Variants in ADCY3 observed in about 807,000 individuals in gnomAD.
ADCY3 encodes the protein adenylate cyclase 3.
In ADCY3, 70 loss-of-function variants were observed where a neutral mutation model predicts 119.4. The ratio of observed to expected loss-of-function variants is 0.59; its 90% CI spans 0.48 to 0.72. ADCY3 has a LOEUF of 0.72. Ranked by LOEUF, ADCY3 falls within the 30% of genes least tolerant of loss-of-function variation. The probability of loss-of-function intolerance (pLI) is 0.00; values close to 1 mark genes in which losing one functional copy is unlikely to be tolerated. For synonymous variants in ADCY3, 672 were observed against 621.4 expected (o/e 1.08, Z -1.21); for missense variants, 1,238 against 1,541.6 (o/e 0.80, Z 3.30).
chr2:24,827,328 G>C (rs746246107), intron 15 of ADCY3, among the ~76,000 whole-genome samples: 1 of 152,188 alleles, frequency 6.6e-6, no homozygotes, highest in East Asian at 1.9e-4. Flanking sequence ...TGTCCTGCCA[G>C]CCAGTTACAT....
intron 2 of ADCY3, among the ~76,000 whole-genome samples, chr2:24,903,915 T>G (rs1679185820): frequency 6.6e-6 from 1 of 152,076 alleles, no homozygotes; most frequent in African/African-American, 2.4e-5. Context: ...AACCCCAGGT[T>G]CTCCATATGA....
intron 13 of ADCY3, among the ~76,000 whole-genome samples, chr2:24,830,132 C>G (rs942215709): frequency 6.6e-6 from 1 of 150,926 alleles, no homozygotes; most frequent in Admixed American, 6.6e-5. Flanking sequence ...CCTCCGCCTC[C>G]TGGGTTCAAG....
intron 15 of ADCY3, among the ~76,000 whole-genome samples, chr2:24,827,252 G>A (rs977224823): frequency 3.3e-5 from 5 of 152,210 alleles, no homozygotes; most frequent in African/African-American, 1.2e-4. Context: ...ACTGCCTGCT[G>A]CAGGCTCAGA....
rs374705495 is a variant in ADCY3 at position 24,828,542 on chromosome 2, C to T, written c.2173-381G>A. ...CACACTGTTGCTTCAGGAGGGGCCA[C>T]GGGACCATGAGCCCCACTCACAGCC... On this transcript the variant is annotated intron_variant, in intron 13 of 21. Coordinates refer to ENST00000679454, the MANE Select transcript of ADCY3 (RefSeq NM_004036.5). Among the ~76,000 whole-genome samples, 42 of 152,284 alleles carry T rather than the reference C, an allele frequency of 2.8e-4. No homozygotes were observed. The South Asian group carries it at 7.9e-3, about 29-fold the overall frequency.
chr2:24,830,806 A>C lies in ADCY3; in HGVS notation c.2075T>G (p.Val692Gly). The change falls in exon 13 of 22, where the codon GTG (valine) becomes GGG (glycine). Residue 692 changes from valine (V) to glycine (G), a missense_variant. Physicochemically the swap from Val to Gly is moderately radical, Grantham distance 109. Coordinates refer to ENST00000679454, the MANE Select transcript of ADCY3 (RefSeq NM_004036.5). The stretch of plus-strand genomic sequence containing the variant: ...CCGGTCAATCCAAGTTGAGAAGGCC[A>C]CAAGCTTCTTAGGAAAGGCCTAGAA... ...IFPRAFPKKL[V>G]AFSTWIDRTR... 6.2e-7 allele frequency: 1 copy of C among 1,614,038 alleles called. No individual in the cohort carries two copies.
At chr2:24,854,570 C>T (rs1011617532) in intron 3 of ADCY3, among the ~76,000 whole-genome samples, 3 of 152,096 alleles carry the variant, frequency 2.0e-5, no homozygotes, top group Admixed American at 6.5e-5. Context: ...ACAAGTGGCT[C>T]GTGGCTTTTG....
intron 2 of ADCY3, among the ~76,000 whole-genome samples, chr2:24,879,928 A>G (rs1168937004): frequency 6.6e-6 from 1 of 152,238 alleles, no homozygotes; most frequent in Non-Finnish European, 1.5e-5. Context: ...AGGTCTGCAG[A>G]CAGTGAGTGA....
chr2:24,828,080 T>C lies in ADCY3; in HGVS notation c.2254A>G (p.Lys752Glu), dbSNP rs1157467006. 7 of 1,614,092 alleles carry C rather than the reference T, an allele frequency of 4.3e-6. No individual in the cohort carries two copies. Among genetic ancestry groups the C allele is most frequent in the African/African-American group, 2.7e-5 (2 of 74,932 alleles). Reference protein sequence around the residue: ...ETEGSCLENPKYYNYVAVLSL... With the variant: ...ETEGSCLENPEYYNYVAVLSL... ...AGCACGGCCACATAGTTGTAATACT[T>C]GGGGTTCTCCAGGCAGCTGCCCTCC... The change falls in exon 14 of 22, where the codon AAG (lysine) becomes GAG (glutamate). Residue 752 changes from lysine (K) to glutamate (E), a missense_variant. Coordinates refer to ENST00000679454, the MANE Select transcript of ADCY3 (RefSeq NM_004036.5).
intron 2 of ADCY3, among the ~76,000 whole-genome samples, chr2:24,894,412 C>T (rs1017810348): frequency 6.6e-6 from 1 of 152,026 alleles, no homozygotes; most frequent in Non-Finnish European, 1.5e-5. Context: ...GAGGTTGAGG[C>T]TACAGTGAGC....
chr2:24,839,736 A>G (rs1409621592), intron 7 of ADCY3, 137 bp downstream of exon 7: 2 of 1,279,276 alleles, frequency 1.6e-6, no homozygotes, highest in African/African-American at 2.9e-5. Context: ...AGGGCGAGAC[A>G]GGAGGAATGC....
intron 9 of ADCY3, among the ~76,000 whole-genome samples, chr2:24,835,186 G>C (rs1304934401): frequency 2.0e-5 from 3 of 152,226 alleles, no homozygotes; most frequent in African/African-American, 7.2e-5. Flanking sequence ...TCTGCAGGGA[G>C]GGTCCGCTAA....
intron 2 of ADCY3, among the ~76,000 whole-genome samples, chr2:24,909,302 G>A (rs1663293031): frequency 6.6e-6 from 1 of 152,094 alleles, no homozygotes; most frequent in Admixed American, 6.5e-5. Flanking sequence ...ATCCTATCTG[G>A]TGTTTCTGAA....
chr2:24,862,262 G>A (rs747407508), intron 3 of ADCY3, among the ~76,000 whole-genome samples: 1 of 152,134 alleles, frequency 6.6e-6, no homozygotes, highest in Non-Finnish European at 1.5e-5. Flanking sequence ...AATCAATCTC[G>A]GTAGCCGGGC....
At chr2:24,825,868 T>C in intron 16 of ADCY3, 177 bp downstream of exon 16, 1 of 631,488 alleles carries the variant, frequency 1.6e-6, no homozygotes, top group Non-Finnish European at 2.8e-6. Flanking sequence ...TGTCTTCCTG[T>C]GTGACTGAGG....
intron 3 of ADCY3, among the ~76,000 whole-genome samples, chr2:24,851,827 G>C (rs1382564098): frequency 6.6e-6 from 1 of 152,112 alleles, no homozygotes; most frequent in Non-Finnish European, 1.5e-5. Context: ...TCACCAACCA[G>C]GTCACCACAT....
At chr2:24,822,466 C>T in intron 19 of ADCY3, 45 bp downstream of exon 19, 1 of 1,600,752 alleles carries the variant, frequency 6.2e-7, no homozygotes, top group East Asian at 2.2e-5. Flanking sequence ...CAATCTCTTG[C>T]CTTGGGGGCA....
At chr2:24,874,151 C>T (rs553006671) in intron 2 of ADCY3, among the ~76,000 whole-genome samples, 5 of 152,284 alleles carry the variant, frequency 3.3e-5, no homozygotes, top group Non-Finnish European at 7.3e-5. Context: ...ACCACCACAC[C>T]CGGCAGAATG....
intron 3 of ADCY3, among the ~76,000 whole-genome samples, chr2:24,856,451 T>C (rs990940694): frequency 6.6e-6 from 1 of 152,152 alleles, no homozygotes; most frequent in African/African-American, 2.4e-5. Flanking sequence ...TCTTAGAGTG[T>C]CCAGCCAATT....
intron 3 of ADCY3, among the ~76,000 whole-genome samples, chr2:24,857,413 T>C (rs984455532): frequency 3.9e-5 from 6 of 152,272 alleles, no homozygotes; most frequent in African/African-American, 1.4e-4. Flanking sequence ...CACCATCCTC[T>C]AGAACAGCGC....
Sources: allele counts gnomAD v4.1 joint callset (sites outside exome capture counted in the v4.1 genomes callset), GRCh38; gene constraint gnomAD v4.1.1; transcripts MANE v1.5; gene names NCBI Gene and HGNC (gene_info 2026-07-23, HGNC 2026-07-21).